STAT5A: variants seen among roughly 807,000 people sequenced by gnomAD.
The protein encoded by STAT5A is epididymis secretory sperm binding protein.
Under a neutral mutation model 100.2 loss-of-function variants are expected in STAT5A, and 26 were observed. The ratio of observed to expected loss-of-function variants is 0.26; its 90% confidence interval spans 0.19 to 0.36. The LOEUF (loss-of-function observed/expected upper bound fraction) is 0.36. Among genes scored for constraint, STAT5A ranks in the 10% least tolerant of loss-of-function variants. STAT5A has a pLI of 1.00. For missense variants in STAT5A, 634 were observed against 1,027.5 expected, an observed-to-expected ratio of 0.62 and a Z score of 5.24; for synonymous variants, 330 against 424.3, an observed-to-expected ratio of 0.78 and a Z score of 2.73.
At chr17:42,303,642 G>A (rs1412144539) in intron 9 of STAT5A, among the ~76,000 whole-genome samples, 1 of 152,056 alleles carries the variant, frequency 6.6e-6, no homozygotes, top group African/African-American at 2.4e-5. Flanking sequence ...CCTGGGAGGT[G>A]GAGGTTGTGG....
chr17:42,299,119 G>T (rs117292219), intron 5 of STAT5A, among the ~76,000 whole-genome samples: 10,286 of 152,124 alleles, frequency 0.068, 460 homozygotes, highest in Non-Finnish European at 0.091. Flanking sequence ...CGGGGCTGGG[G>T]TTCCCTGAAG....
In STAT5A at chr17:42,305,686, A is replaced by G. The variant is rs1268638276; in HGVS notation, c.1457A>G (p.Asn486Ser). The G allele has an allele frequency of 1.2e-6, 2 of 1,614,086 alleles. No individual in the cohort carries two copies. The highest frequency in any genetic ancestry group is 2.2e-5 in the East Asian group (1 of 44,882). ...HNATATVLWD[N>S]AFAEPGRVPF... is the part of the protein sequence containing the mutation. ...GCCACGGCTACTGTGCTGTGGGACA[A>G]TGCCTTTGCTGAGCCGGTGAGTCCC... Residue 486 changes from asparagine (N) to serine (S), a missense_variant, in exon 12 of 19, where the codon AAT (asparagine) becomes AGT (serine). Transcript: ENST00000590949.
chr17:42,292,404 C>G (rs1320184498), intron 4 of STAT5A, among the ~76,000 whole-genome samples: 1 of 152,120 alleles, frequency 6.6e-6, no homozygotes, highest in Non-Finnish European at 1.5e-5. Flanking sequence ...TCTCGGCTCA[C>G]TGCAAGCTCT....
intron 1 of STAT5A, 67 bp from the exon 2 acceptor site, chr17:42,289,335 G>A: frequency 6.8e-7 from 1 of 1,466,558 alleles, no homozygotes; most frequent in Non-Finnish European, 9.0e-7. Flanking sequence ...GGCATGGCAA[G>A]GCCAGGGGCA....
chr17:42,299,202 C>T lies in STAT5A; in HGVS notation c.551-549C>T, dbSNP rs151271313. On this transcript the variant is annotated intron_variant, in intron 5 of 18. Coordinates refer to ENST00000590949, the MANE Select transcript of STAT5A (RefSeq NM_001288718.2). ...CACCTCTTCTCTCTGTCCTGTTCCC[C>T]GTTAACCAAGAAGCACGAACCTCAC... Among the ~76,000 whole-genome samples, 1,139 of 152,244 alleles carry T rather than the reference C, an allele frequency of 7.5e-3. 24 individuals carry two copies. Among genetic ancestry groups the T allele is most frequent in the East Asian group, 0.047 (245 of 5,176 alleles).
At chr17:42,303,384 A>C (rs2080999434) in intron 9 of STAT5A, among the ~76,000 whole-genome samples, 1 of 152,200 alleles carries the variant, frequency 6.6e-6, no homozygotes, top group South Asian at 2.1e-4. Flanking sequence ...GGCAGGGCCA[A>C]CCAGTGATAG....
chr17:42,300,032 G>A, intron 6 of STAT5A, 98 bp from the exon 7 acceptor site: 3 of 1,161,396 alleles, frequency 2.6e-6, no homozygotes, highest in Non-Finnish European at 2.4e-6. Flanking sequence ...GCAGCTTGGG[G>A]AGAGGGAACG....
At chr17:42,302,275 C>G (rs758955637) in intron 9 of STAT5A, among the ~76,000 whole-genome samples, 5 of 152,198 alleles carry the variant, frequency 3.3e-5, no homozygotes, top group Non-Finnish European at 5.9e-5. Flanking sequence ...TCGCCCAGCC[C>G]CTTGAGCAGC....
chr17:42,306,340 C>T lies in STAT5A; in HGVS notation c.1573C>T (p.Leu525=), dbSNP rs1216554378. Residue 525 remains leucine (L), a synonymous_variant, in exon 13 of 19, where the codon CTG becomes TTG. Coordinates refer to ENST00000590949, the MANE Select transcript of STAT5A (RefSeq NM_001288718.2). ...FKAEVQSNRG[L]TKENLVFLAQ... is the part of the protein sequence containing the mutation. ...GGCCGAAGTGCAGAGCAACCGGGGC[C>T]TGACCAAGGAGAACCTCGTGTTCCT... is the stretch of plus-strand genomic sequence containing the variant. 6.2e-7 allele frequency: 1 copy of T among 1,614,152 alleles called. No homozygotes were observed. Among genetic ancestry groups the T allele is most frequent in the South Asian group, 1.1e-5 (1 of 91,088 alleles).
chr17:42,301,470 C>T lies in STAT5A; in HGVS notation c.1169+16C>T, dbSNP rs947460138. 1.2e-6 allele frequency: 2 copies of T among 1,613,798 alleles called. No homozygotes were observed. The highest frequency in any genetic ancestry group is 1.1e-5 in the South Asian group (1 of 91,064). On this transcript the variant is annotated intron_variant, in intron 9 of 18. Coordinates refer to ENST00000590949, the MANE Select transcript of STAT5A (RefSeq NM_001288718.2). ...ACACCCGCAAGTAATTGTGCCTCTC[C>T]CTTCCCCTGCCCAAGCTTAGGTGTG...
chr17:42,299,766 T>C lies in STAT5A; in HGVS notation c.566T>C (p.Leu189Pro). ...TCTCCTCTAGCTCAGTTTGCCCAGC[T>C]GGCCCAGCTGAGCCCCCAGGAGCGT... Reference protein sequence around the residue: ...SLRIQAQFAQLAQLSPQERLS... With the variant: ...SLRIQAQFAQPAQLSPQERLS... The change falls in exon 6 of 19, where the codon CTG (leucine) becomes CCG (proline). Residue 189 changes from leucine (L) to proline (P), a missense_variant. Around this residue, in one of 5 missense-constraint regions of STAT5A, gnomAD observed 207 missense variants for 256.6 expected, o/e 0.81. Coordinates refer to ENST00000590949, the MANE Select transcript of STAT5A (RefSeq NM_001288718.2). 7 of 1,614,170 alleles carry C rather than the reference T, an allele frequency of 4.3e-6. No individual in the cohort carries two copies. Among genetic ancestry groups the C allele is most frequent in the Non-Finnish European group, 5.9e-6 (7 of 1,180,016 alleles).
chr17:42,287,663 CTGGG>C (rs1219113727), upstream of STAT5A: 1 of 152,392 alleles, frequency 6.6e-6, no homozygotes, highest in Non-Finnish European at 1.5e-5. Flanking sequence ...AGTAACTAGG[CTGGG>C]TGAACGGGGG....
At chr17:42,306,874 C>T (rs1418008818) in intron 13 of STAT5A, among the ~76,000 whole-genome samples, 1 of 152,080 alleles carries the variant, frequency 6.6e-6, no homozygotes, top group Non-Finnish European at 1.5e-5. Flanking sequence ...TGCCTGCCAC[C>T]ATGCTGGGCT....
At chr17:42,300,990 C>T in intron 8 of STAT5A, 120 bp downstream of exon 8, 2 of 1,551,272 alleles carry the variant, frequency 1.3e-6, no homozygotes, top group South Asian at 2.3e-5. Flanking sequence ...CTCCCAACTC[C>T]ATCTCCAGTT....
chr17:42,295,054 G>A (rs895977494), intron 4 of STAT5A, among the ~76,000 whole-genome samples: 3 of 152,128 alleles, frequency 2.0e-5, no homozygotes, highest in African/African-American at 7.2e-5. Context: ...GCTTGTTGAT[G>A]CCTCCCCTCT....
In STAT5A at chr17:42,304,259, G is replaced by A. The variant is rs2081007433; in HGVS notation, c.1170-83G>A. 2.2e-5 allele frequency: 30 copies of A among 1,386,564 alleles called. No individual in the cohort carries two copies. The highest frequency in any genetic ancestry group is 2.7e-5 in the Non-Finnish European group (27 of 983,418). The allele number at this position is 1,386,564 out of a possible 1,614,324, so 85.9% of individuals were successfully genotyped here. ...GGCTGCTGGCAGGGCTGACCTGAGC[G>A]AAGACCCCAGCCCGAGGTGTGGACA... On this transcript the variant is annotated intron_variant, in intron 9 of 18. Coordinates refer to ENST00000590949, the MANE Select transcript of STAT5A (RefSeq NM_001288718.2). This position sits in a 1 kb window ranked among gnomAD's most constrained non-coding sequence, Gnocchi z 4.8.
Position 42,307,461 on chromosome 17 carries a change from G to A in STAT5A, c.1740G>A (p.Val580=). ...AGTGGTTTGACGGGGTGATGGAGGT[G>A]TTGAAGAAGCACCACAAGCCCCACT... ...FWQWFDGVME[V]LKKHHKPHWN... The change falls in exon 14 of 19, where the codon GTG becomes GTA. Residue 580 remains valine (V), a synonymous_variant. Transcript: ENST00000590949. The A allele has an allele frequency of 6.2e-7, 1 of 1,614,104 alleles. No homozygotes were observed. Among genetic ancestry groups the A allele is most frequent in the Non-Finnish European group, 8.5e-7 (1 of 1,180,016 alleles).
At chr17:42,291,631 G>A (rs1466592348) in intron 3 of STAT5A, among the ~76,000 whole-genome samples, 8 of 151,848 alleles carry the variant, frequency 5.3e-5, no homozygotes, top group Admixed American at 1.3e-4. Context: ...AAGGAGAATC[G>A]CTTGAACCCG....
Position 42,307,629 on chromosome 17 carries a change from C to T in STAT5A, c.1812C>T (p.His604=), listed in dbSNP as rs761170942. ...ILGFVNKQQA[H]DLLINKPDGT... is the part of the protein sequence containing the mutation. Reference sequence around the variant, plus strand: ...GTTTTGTGAATAAGCAACAGGCCCACGACCTGCTCATCAACAAGCCCGACG... The same window carrying T: ...GTTTTGTGAATAAGCAACAGGCCCATGACCTGCTCATCAACAAGCCCGACG... Residue 604 remains histidine (H), a synonymous_variant, in exon 15 of 19, where the codon CAC becomes CAT. Transcript: ENST00000590949. The T allele has an allele frequency of 9.9e-6, 16 of 1,613,962 alleles. No homozygotes were observed. Among genetic ancestry groups the T allele is most frequent in the African/African-American group, 2.7e-5 (2 of 74,860 alleles).
Sources: gnomAD v4.1 joint callset for allele counts (sites outside exome capture counted in the v4.1 genomes callset) on GRCh38, gnomAD v4.1.1 for gene constraint, gnomAD v4.1.1 regional missense constraint, Gnocchi (gnomAD v3.1) non-coding constraint, MANE v1.5 for transcripts, NCBI Gene and HGNC (gene_info 2026-07-23, HGNC 2026-07-21) for gene names.